Variants in DNAH8 observed in about 807,000 individuals in gnomAD.
The protein encoded by DNAH8 is dynein axonemal heavy chain 8.
Under a neutral mutation model 562.1 loss-of-function variants are expected in DNAH8, and 382 were observed. The observed-to-expected ratio is 0.68, with a 90% CI of 0.63 to 0.74. The LOEUF (loss-of-function observed/expected upper bound fraction) is 0.74, where lower values mean the gene tolerates loss of function less well. Among genes scored for constraint, DNAH8 ranks in the 30% least tolerant of loss-of-function variants. The probability of loss-of-function intolerance (pLI) is 0.00; values close to 1 mark genes in which losing one functional copy is unlikely to be tolerated. For synonymous variants in DNAH8, 1,881 were observed against 1,919.4 expected, an observed-to-expected ratio of 0.98 and a Z score of 0.52; for missense variants, 5,203 against 5,620.4, an observed-to-expected ratio of 0.93 and a Z score of 2.37.
At position 38,848,907 on chromosome 6, in the gene DNAH8, G is replaced by A. The variant is rs780169613; in HGVS notation, c.5199+106G>A. On this transcript the variant is annotated intron_variant, in intron 37 of 92. Coordinates refer to ENST00000327475, the MANE Select transcript of DNAH8 (RefSeq NM_001206927.2). ...CATATGGTCAAGGCTTGACTATGAT[G>A]GGGTTTGGCAAACTATGGCCCACTT... 4.6e-4 allele frequency: 519 copies of A among 1,116,546 alleles called. 1 individual carries two copies. Among genetic ancestry groups the A allele is most frequent in the Non-Finnish European group, 6.5e-4 (505 of 771,618 alleles). 69.2% of individuals were successfully genotyped at this position (1,116,546 alleles called of 1,614,324 possible).
chr6:38,954,882 C>T (rs1762145477), intron 82 of DNAH8, among the ~76,000 whole-genome samples: 1 of 152,134 alleles, frequency 6.6e-6, no homozygotes, highest in South Asian at 2.1e-4. Flanking sequence ...AGGCTCTAGG[C>T]TTGGATAATT....
intron 5 of DNAH8, among the ~76,000 whole-genome samples, chr6:38,735,128 G>A (rs1056591316): frequency 2.0e-5 from 3 of 152,114 alleles, no homozygotes; most frequent in African/African-American, 7.2e-5. Flanking sequence ...TCCTTTCTGC[G>A]ACTTAGATCT....
intron 1 of DNAH8, among the ~76,000 whole-genome samples, chr6:38,718,279 T>C (rs935840367): frequency 1.3e-5 from 2 of 152,086 alleles, no homozygotes; most frequent in Non-Finnish European, 2.9e-5. Flanking sequence ...TATATCTATC[T>C]ATATATAGTT....
chr6:38,815,546 G>C lies in DNAH8; in HGVS notation c.3412G>C (p.Val1138Leu). 1.9e-6 allele frequency: 3 copies of C among 1,613,980 alleles called. No individual in the cohort carries two copies. Among genetic ancestry groups the C allele is most frequent in the Non-Finnish European group, 2.5e-6 (3 of 1,179,856 alleles). Reference protein sequence around the residue: ...IQLTLEVSRGVAHWGQQQIRP... With the variant: ...IQLTLEVSRGLAHWGQQQIRP... The stretch of plus-strand genomic sequence containing the variant: ...GTTAACCCTGGAGGTCAGCAGAGGA[G>C]TGGCTCACTGGGGGCAACAGCAAAT... The change falls in exon 26 of 93, where the codon GTG becomes CTG. Residue 1138 changes from valine to leucine, a missense_variant. This residue lies in a region of DNAH8 where 2,176 missense variants were observed against 2,365.1 expected (regional missense o/e 0.92). Coordinates refer to ENST00000327475, the MANE Select transcript of DNAH8 (RefSeq NM_001206927.2).
At chr6:38,954,824 T>A (rs893044381) in intron 82 of DNAH8, among the ~76,000 whole-genome samples, 1 of 151,698 alleles carries the variant, frequency 6.6e-6, no homozygotes, top group South Asian at 2.1e-4. Context: ...AATAAACCAA[T>A]AATCAAGGGG....
chr6:38,741,785 A>G lies in DNAH8; in HGVS notation c.1191A>G (p.Lys397=). 1.2e-6 allele frequency: 2 copies of G among 1,614,152 alleles called. No individual in the cohort carries two copies. Among genetic ancestry groups the G allele is most frequent in the Non-Finnish European group, 1.7e-6 (2 of 1,179,994 alleles). The change falls in exon 8 of 93, where the codon AAA becomes AAG. Residue 397 remains lysine (K), a synonymous_variant. Coordinates refer to ENST00000327475, the MANE Select transcript of DNAH8 (RefSeq NM_001206927.2). ...SGPLTELEHW[K]RMSAKFNYII... ...CACTCACTGAATTGGAACACTGGAA[A>G]CGCATGTCAGCCAAGTTCAACTATA...
intron 71 of DNAH8, 173 bp from the exon 72 acceptor site, chr6:38,922,885 A>G (rs1325022753): frequency 3.2e-6 from 2 of 615,516 alleles, no homozygotes; most frequent in African/African-American, 1.8e-5. Flanking sequence ...AAATCACTAT[A>G]TTATGAATGA....
intron 65 of DNAH8, 51 bp downstream of exon 65, chr6:38,909,795 C>CTCTTGGGAATACATG: frequency 2.1e-6 from 3 of 1,422,182 alleles, no homozygotes; most frequent in Non-Finnish European, 3.0e-6. Flanking sequence ...GCATGTATTC[C>CTCTTGGGAATACATG]CAAGAGGAAT....
rs34742890 is a variant in DNAH8 at position 38,722,585 on chromosome 6, T to G, written c.-34-191T>G. On this transcript the variant is annotated intron_variant, in intron 1 of 92. Transcript: ENST00000327475. ...GAAAAAGCTCCCAGGTGGGTGGGGGTGTGTGTGTGTGTGTGTGTGCTGTCC... is the reference window on the plus strand; with the variant it reads ...GAAAAAGCTCCCAGGTGGGTGGGGGGGTGTGTGTGTGTGTGTGTGCTGTCC... Among the ~76,000 whole-genome samples, 51,060 of 149,028 alleles carry G rather than the reference T, an allele frequency of 0.34. 9,220 individuals carry two copies. Among genetic ancestry groups the G allele is most frequent in the East Asian group, 0.8 (3,930 of 4,904 alleles).
At chr6:38,925,852 T>C (rs2150565856) in intron 73 of DNAH8, among the ~76,000 whole-genome samples, 1 of 152,260 alleles carries the variant, frequency 6.6e-6, no homozygotes, top group Middle Eastern at 3.4e-3. Flanking sequence ...AGGGATTCAT[T>C]AGATAATAAA....
chr6:38,903,185 A>G (rs1780189980), intron 62 of DNAH8, among the ~76,000 whole-genome samples: 1 of 152,160 alleles, frequency 6.6e-6, no homozygotes, highest in South Asian at 2.1e-4. Context: ...ATTGCTATGA[A>G]TACCTGAGGC....
intron 11 of DNAH8, among the ~76,000 whole-genome samples, chr6:38,767,559 GT>G (rs1208745589): frequency 1.9e-4 from 29 of 151,988 alleles, no homozygotes; most frequent in Admixed American, 1.9e-3. Context: ...AACAATATTT[GT>G]TCTTTTGTGT....
chr6:38,775,081 C>T lies in DNAH8; in HGVS notation c.1765-673C>T, dbSNP rs114578428. 2.9e-3 allele frequency among the ~76,000 whole-genome samples: 439 copies of T among 152,282 alleles called. 1 individual carries two copies. Among genetic ancestry groups the T allele is most frequent in the African/African-American group, 0.01 (418 of 41,560 alleles). On this transcript the variant is annotated intron_variant, in intron 12 of 92. Coordinates refer to ENST00000327475, the MANE Select transcript of DNAH8 (RefSeq NM_001206927.2). ...AAAATAGGTTTATTCCCTTTCTGGC[C>T]ATTGGACCAGCCCTGGAGAGCATTG...
intron 36 of DNAH8, among the ~76,000 whole-genome samples, chr6:38,847,951 A>G (rs993132960): frequency 6.6e-5 from 10 of 152,142 alleles, no homozygotes; most frequent in Non-Finnish European, 8.8e-5. Flanking sequence ...ATATGGGGGT[A>G]GCAACCCTGG....
At chr6:38,788,167 G>A (rs1056887650) in intron 18 of DNAH8, among the ~76,000 whole-genome samples, 31 of 99,586 alleles carry the variant, frequency 3.1e-4, no homozygotes, top group African/African-American at 1.1e-3. Context: ...TTTTTTTTTT[G>A]TTGTTGTTGG....
chr6:38,815,108 G>C (rs1459331529), intron 25 of DNAH8, among the ~76,000 whole-genome samples: 1 of 152,198 alleles, frequency 6.6e-6, no homozygotes, highest in Middle Eastern at 3.2e-3. Context: ...TTGTTTCATA[G>C]ATCTCTAACA....
At chr6:38,946,285 G>T (rs948799877) in intron 80 of DNAH8, among the ~76,000 whole-genome samples, 4 of 152,204 alleles carry the variant, frequency 2.6e-5, no homozygotes, top group Admixed American at 2.0e-4. Flanking sequence ...ACTGCAGGTT[G>T]TCAGAGCCTC....
intron 22 of DNAH8, among the ~76,000 whole-genome samples, chr6:38,803,599 ATTTT>A (rs60557580): frequency 1.2e-3 from 167 of 139,178 alleles, no homozygotes; most frequent in Middle Eastern, 7.8e-3. Flanking sequence ...TGCTAACTCT[ATTTT>A]TTTTTTTTTT....
intron 88 of DNAH8, among the ~76,000 whole-genome samples, chr6:38,993,696 C>CTTTTT (rs1764944183): frequency 6.6e-6 from 1 of 152,000 alleles, no homozygotes; most frequent in Non-Finnish European, 1.5e-5. Context: ...TTGTGTCTTG[C>CTTTTT]TTTTTTCTCT....
Sources: allele counts gnomAD v4.1 joint callset (sites outside exome capture counted in the v4.1 genomes callset), GRCh38; gene constraint gnomAD v4.1.1; regional missense constraint gnomAD v4.1.1; transcripts MANE v1.5; gene names NCBI Gene and HGNC (gene_info 2026-07-23, HGNC 2026-07-21).